The following GPC5 variants were observed in gnomAD, a reference collection of about 807,000 sequenced individuals.
GPC5 encodes glypican 5.
GPC5 carries 47 observed loss-of-function variants against 53.9 expected under a neutral mutation model. The observed-to-expected ratio is 0.87, with a 90% confidence interval of 0.69 to 1.11. The LOEUF (loss-of-function observed/expected upper bound fraction) is 1.11. GPC5 is among the 50% of genes most tolerant of loss of function. The pLI is 0.00. For missense variants in GPC5, 748 were observed against 713.1 expected (o/e 1.05, Z -0.56); for synonymous variants, 286 against 263.3 (o/e 1.09, Z -0.84).
chr13:91,689,834 CT>C (rs1293869478), intron 2 of GPC5, among the ~76,000 whole-genome samples: 1 of 151,822 alleles, frequency 6.6e-6, no homozygotes, highest in Non-Finnish European at 1.5e-5. Context: ...ACTTAGGTGG[CT>C]TTATGGTTAA....
intron 5 of GPC5, among the ~76,000 whole-genome samples, chr13:91,840,730 A>G (rs1024844640): frequency 2.0e-5 from 3 of 151,226 alleles, no homozygotes; most frequent in African/African-American, 7.3e-5. Context: ...ACACAATGAC[A>G]TAAGTTCCTA....
intron 2 of GPC5, among the ~76,000 whole-genome samples, chr13:91,521,142 A>G (rs1885794580): frequency 1.3e-5 from 2 of 152,200 alleles, no homozygotes; most frequent in African/African-American, 4.8e-5. Flanking sequence ...CACATGTACC[A>G]TGCTGTTTCT....
Position 91,448,788 on chromosome 13 carries a change from A to G in GPC5, c.191A>G (p.Lys64Arg), listed in dbSNP as rs769785386. 1 of 1,613,350 alleles carries G rather than the reference A, an allele frequency of 6.2e-7. No homozygotes were observed. The highest frequency in any genetic ancestry group is 1.1e-5 in the South Asian group (1 of 90,944). The change falls in exon 2 of 8, where the codon AAA becomes AGA. Residue 64 changes from lysine to arginine, a missense_variant. By Grantham distance (26) the Lys-to-Arg change is conservative (BLOSUM62 2). Coordinates refer to ENST00000377067, the MANE Select transcript of GPC5 (RefSeq NM_004466.6). ...CCTGATCTTCAGGTTTGCATATCCA[A>G]AAAGCCTACATGTTGCACCAGGAAG... ...AGPDLQVCISKKPTCCTRKME... is the reference protein window; with the variant it reads ...AGPDLQVCISRKPTCCTRKME...
At chr13:92,590,739 C>T (rs1046285202) in intron 7 of GPC5, among the ~76,000 whole-genome samples, 3 of 152,164 alleles carry the variant, frequency 2.0e-5, no homozygotes, top group Non-Finnish European at 4.4e-5. Flanking sequence ...ACACTTGAGT[C>T]GTCTACACTG....
chr13:92,609,551 T>A (rs1884367785), intron 7 of GPC5, among the ~76,000 whole-genome samples: 1 of 152,152 alleles, frequency 6.6e-6, no homozygotes, highest in Non-Finnish European at 1.5e-5. Context: ...TGAGGCCAGT[T>A]AACGTAATGG....
intron 7 of GPC5, among the ~76,000 whole-genome samples, chr13:92,759,063 C>G (rs1031867041): frequency 2.6e-5 from 3 of 116,346 alleles, no homozygotes; most frequent in African/African-American, 1.0e-4. Context: ...TATGTTTGGA[C>G]TATTTCCGGA....
At chr13:92,167,705 C>A (rs1458088919) in intron 7 of GPC5, among the ~76,000 whole-genome samples, 2 of 152,052 alleles carry the variant, frequency 1.3e-5, no homozygotes, top group African/African-American at 4.8e-5. Context: ...CTCCTGATAA[C>A]CCATAAACAC....
At chr13:92,774,217 T>C (rs542832368) in intron 7 of GPC5, among the ~76,000 whole-genome samples, 70 of 152,366 alleles carry the variant, frequency 4.6e-4, no homozygotes, top group African/African-American at 1.6e-3. Context: ...AGTCAACTTT[T>C]TCCAGCCATA....
intron 2 of GPC5, among the ~76,000 whole-genome samples, chr13:91,590,709 T>C (rs1438827208): frequency 6.6e-6 from 1 of 152,218 alleles, no homozygotes; most frequent in Non-Finnish European, 1.5e-5. Flanking sequence ...TAATTTTACA[T>C]GTTTCATTTT....
chr13:91,476,837 A>G (rs1882958267), intron 2 of GPC5, among the ~76,000 whole-genome samples: 1 of 152,222 alleles, frequency 6.6e-6, no homozygotes, highest in Non-Finnish European at 1.5e-5. Context: ...AAAGAACTGT[A>G]AGAAGATACA....
chr13:92,450,672 C>T (rs910694360), intron 7 of GPC5, among the ~76,000 whole-genome samples: 1 of 152,152 alleles, frequency 6.6e-6, no homozygotes, highest in Non-Finnish European at 1.5e-5. Context: ...GAACATGTAA[C>T]ACTGAACACT....
intron 7 of GPC5, among the ~76,000 whole-genome samples, chr13:92,710,744 G>A (rs1888106468): frequency 6.6e-6 from 1 of 152,086 alleles, no homozygotes; most frequent in South Asian, 2.1e-4. Context: ...ATGAGCTCTT[G>A]GGAGAGACTG....
At chr13:92,421,421 C>T (rs921320054) in intron 7 of GPC5, among the ~76,000 whole-genome samples, 1 of 152,006 alleles carries the variant, frequency 6.6e-6, no homozygotes, top group Non-Finnish European at 1.5e-5. Context: ...GAGGTTTGGC[C>T]GGGCGCGGTG....
chr13:91,485,086 T>C (rs1883517143), intron 2 of GPC5, among the ~76,000 whole-genome samples: 1 of 152,248 alleles, frequency 6.6e-6, no homozygotes, highest in African/African-American at 2.4e-5. Flanking sequence ...AGAGTTTTCA[T>C]GTTAACAAGA....
chr13:92,009,927 A>G (rs1406768917), intron 6 of GPC5, among the ~76,000 whole-genome samples: 1 of 152,198 alleles, frequency 6.6e-6, no homozygotes, highest in Non-Finnish European at 1.5e-5. Flanking sequence ...ATGAGGGTAT[A>G]TAGTCTAAGT....
chr13:92,585,428 C>T (rs1407719345), intron 7 of GPC5, among the ~76,000 whole-genome samples: 1 of 152,172 alleles, frequency 6.6e-6, no homozygotes, highest in East Asian at 1.9e-4. Flanking sequence ...CAGCCAATGC[C>T]TCCCATTTGG....
chr13:92,241,988 TATGCAAAGCCAAGG>T (rs2042615490), intron 7 of GPC5: 1 of 152,274 alleles, frequency 6.6e-6, no homozygotes, highest in African/African-American at 2.4e-5. Context: ...ATCTTAGCAC[TATGCAAAGCCAAGG>T]CAGGCAGATT....
chr13:91,963,368 A>T (rs1373953190), intron 6 of GPC5, among the ~76,000 whole-genome samples: 1 of 152,170 alleles, frequency 6.6e-6, no homozygotes, highest in African/African-American at 2.4e-5. Context: ...CCAAATTTTC[A>T]AAAATTTGCA....
chr13:92,069,869 A>C (rs1566421915), intron 6 of GPC5, among the ~76,000 whole-genome samples: 1 of 152,194 alleles, frequency 6.6e-6, no homozygotes, highest in Non-Finnish European at 1.5e-5. Context: ...TACTCTAAGT[A>C]AATGTTGCAA....
Sources: gnomAD v4.1 joint callset for allele counts (sites outside exome capture counted in the v4.1 genomes callset) on GRCh38, gnomAD v4.1.1 for gene constraint, MANE v1.5 for transcripts, NCBI Gene and HGNC (gene_info 2026-07-23, HGNC 2026-07-21) for gene names.